Variants in CNTLN observed in about 807,000 individuals in gnomAD.
CNTLN encodes the protein centlein, centrosomal protein.
Under a neutral mutation model 180.0 loss-of-function variants are expected in CNTLN, and 212 were observed. That is an observed-to-expected ratio of 1.18 (90% confidence interval 1.05 to 1.32). The LOEUF (loss-of-function observed/expected upper bound fraction) is 1.32, where lower values mean the gene tolerates loss of function less well. Among genes scored for constraint, CNTLN ranks in the 40% most tolerant of loss-of-function variants. The pLI is 0.00. For missense variants in CNTLN, 2,095 were observed against 1,610.9 expected (o/e 1.30, Z -5.14); for synonymous variants, 722 against 563.1 (o/e 1.28, Z -3.99).
At chr9:17,170,994 G>A (rs10962892) in intron 2 of CNTLN, among the ~76,000 whole-genome samples, 7,265 of 152,170 alleles carry the variant, frequency 0.048, 226 homozygotes, top group South Asian at 0.15. Context: ...TATAGCCTAG[G>A]TGTGTAGTAG....
At chr9:17,518,824 G>C in the CNTLN span, among the ~76,000 whole-genome samples, 1 of 152,198 alleles carries the variant, frequency 6.6e-6, no homozygotes, top group Admixed American at 6.5e-5. Flanking sequence ...GCCTCTGGGA[G>C]CTGGGACCCC....
At chr9:17,222,452 G>C (rs142475249) in intron 2 of CNTLN, among the ~76,000 whole-genome samples, 1 of 152,008 alleles carries the variant, frequency 6.6e-6, no homozygotes, top group African/African-American at 2.4e-5. Flanking sequence ...GGTTTCCCCT[G>C]TACTGTTCTC....
chr9:17,362,956 C>T (rs2210551), intron 12 of CNTLN, among the ~76,000 whole-genome samples: 126,908 of 152,058 alleles, frequency 0.83, 53,149 homozygotes, highest in Non-Finnish European at 0.87. Flanking sequence ...TTCTCATTGT[C>T]CAACTCCCAC....
intron 6 of CNTLN, among the ~76,000 whole-genome samples, chr9:17,278,015 C>G (rs1003819490): frequency 3.3e-5 from 5 of 152,114 alleles, no homozygotes; most frequent in Non-Finnish European, 5.9e-5. Flanking sequence ...GAATTAGTAT[C>G]CTGTGACGGA....
chr9:17,391,593 GA>G (rs952739807), intron 14 of CNTLN, among the ~76,000 whole-genome samples: 2 of 151,638 alleles, frequency 1.3e-5, no homozygotes, highest in East Asian at 3.9e-4. Flanking sequence ...TCAGTCAACA[GA>G]AAAAAAATGC....
At chr9:17,284,589 T>A (rs1828863919) in intron 6 of CNTLN, among the ~76,000 whole-genome samples, 1 of 152,208 alleles carries the variant, frequency 6.6e-6, no homozygotes, top group South Asian at 2.1e-4. Context: ...TGTATTTCTG[T>A]GGGGTCAGTG....
chr9:17,455,108 CAAGT>C lies in CNTLN; in HGVS notation c.3115-2412_3115-2409del, dbSNP rs200885424. Among the ~76,000 whole-genome samples, 1,204 of 152,236 alleles carry C rather than the reference CAAGT, an allele frequency of 7.9e-3. 18 individuals are homozygous for C. Among genetic ancestry groups the C allele is most frequent in the African/African-American group, 0.028 (1,153 of 41,542 alleles). On this transcript the variant is annotated intron_variant, in intron 18 of 25. Coordinates refer to ENST00000380647, the MANE Select transcript of CNTLN (RefSeq NM_017738.4). ...ATTTTTTTCTCATCTATAGCTTTCT[CAAGT>C]AAGAAGTAGAATTTTTTAAACCGAC...
chr9:17,164,358 C>G (rs1056895521), intron 2 of CNTLN, among the ~76,000 whole-genome samples: 1 of 103,186 alleles, frequency 9.7e-6, no homozygotes, highest in African/African-American at 4.1e-5. Context: ...ATCTTTCATT[C>G]TTTCAAAAAA....
In CNTLN at chr9:17,386,606, G is replaced by A. The variant is rs1825702905; in HGVS notation, c.1988-1556G>A. On this transcript the variant is annotated intron_variant, in intron 13 of 25. Transcript: ENST00000380647. ...CCATGGCATGAGCTTATCTTCTTGA[G>A]CGTTCTGTATAAACCGGTGAAGGGG... 2.0e-5 allele frequency among the ~76,000 whole-genome samples: 3 copies of A among 152,112 alleles called. No homozygotes were observed. In the South Asian group the frequency reaches 6.2e-4, roughly 32 times the overall value.
At chr9:17,407,452 A>G (rs993897783) in intron 15 of CNTLN, among the ~76,000 whole-genome samples, 2 of 152,212 alleles carry the variant, frequency 1.3e-5, no homozygotes, top group Admixed American at 1.3e-4. Context: ...TGTGATTAAC[A>G]TGACGTTGAG....
chr9:17,448,249 C>G (rs886971733), intron 18 of CNTLN: 1 of 159,492 alleles, frequency 6.3e-6, no homozygotes. Context: ...ATTCACTTGT[C>G]TAAAAAATTC....
intron 2 of CNTLN, among the ~76,000 whole-genome samples, chr9:17,156,411 T>TA (rs1466215689): frequency 2.0e-5 from 3 of 152,168 alleles, no homozygotes; most frequent in Non-Finnish European, 2.9e-5. Flanking sequence ...ATACCTTTTT[T>TA]AAAAAAGGTT....
chr9:17,158,796 G>A (rs1275202145), intron 2 of CNTLN, among the ~76,000 whole-genome samples: 3 of 151,788 alleles, frequency 2.0e-5, no homozygotes, highest in African/African-American at 7.3e-5. Flanking sequence ...CAATTTTGTT[G>A]ATCTTTTTGA....
rs936958949 is a variant in CNTLN at position 17,448,118 on chromosome 9, C to T, written c.3115-9406C>T. The T allele has an allele frequency of 3.0e-5, 6 of 199,988 alleles. No individual in the cohort carries two copies. In the South Asian group the frequency reaches 6.4e-4, roughly 21 times the overall value. 12.4% of individuals were successfully genotyped at this position (199,988 alleles called of 1,614,324 possible). A position where few individuals can be genotyped will look rare whatever the true frequency, so the allele number is the denominator to read the frequency against. ...AGTTTGAGGCCAAGTACCGTACTCC[C>T]TTCATTGTTTCCAACCATGGTGTTT... On this transcript the variant is annotated intron_variant, in intron 18 of 25. Transcript: ENST00000380647.
In CNTLN at chr9:17,273,797, C is replaced by A; in HGVS notation, c.914C>A (p.Ala305Asp). 6.4e-7 allele frequency: 1 copy of A among 1,572,752 alleles called. No homozygotes were observed. The highest frequency in any genetic ancestry group is 8.6e-7 in the Non-Finnish European group (1 of 1,161,024). ...EVEVSQSKYN[A>D]LSLQLSNKQT... ...GAAGTATCACAGAGTAAATACAATG[C>A]TCTATCATTACAGTTGAGTAATAAA... Residue 305 changes from alanine (A) to aspartate (D), a missense_variant, in exon 6 of 26, where the codon GCT (alanine) becomes GAT (aspartate). By Grantham distance (126) the Ala-to-Asp change is moderately radical. Coordinates refer to ENST00000380647, the MANE Select transcript of CNTLN (RefSeq NM_017738.4).
At chr9:17,164,376 A>C (rs933768481) in intron 2 of CNTLN, among the ~76,000 whole-genome samples, 1 of 151,208 alleles carries the variant, frequency 6.6e-6, no homozygotes, top group Non-Finnish European at 1.5e-5. Flanking sequence ...AAAAAAAAAA[A>C]ACCATTTGTT....
chr9:17,303,521 T>C (rs866309198), intron 7 of CNTLN, among the ~76,000 whole-genome samples: 8 of 151,440 alleles, frequency 5.3e-5, no homozygotes, highest in South Asian at 4.2e-4. Context: ...CTTTTTAACT[T>C]TTTGAGCTTC....
chr9:17,489,078 A>C (rs1239029057), intron 25 of CNTLN, among the ~76,000 whole-genome samples: 1 of 152,150 alleles, frequency 6.6e-6, no homozygotes, highest in East Asian at 1.9e-4. Context: ...CATTGGTTGC[A>C]CTTGAATGTC....
chr9:17,435,956 C>A (rs149485940), intron 18 of CNTLN, among the ~76,000 whole-genome samples: 3 of 152,094 alleles, frequency 2.0e-5, no homozygotes, highest in African/African-American at 7.2e-5. Context: ...ATTTCCAGAT[C>A]TTTATATTAG....
Sources: allele counts gnomAD v4.1 joint callset (sites outside exome capture counted in the v4.1 genomes callset), GRCh38; gene constraint gnomAD v4.1.1; transcripts MANE v1.5; gene names NCBI Gene and HGNC (gene_info 2026-07-23, HGNC 2026-07-21).